ANKH: variants seen among roughly 807,000 people sequenced by gnomAD.
ANKH encodes the protein mineralization regulator ANKH.
ANKH carries 15 observed loss-of-function variants against 49.0 expected under a neutral mutation model. That is an observed-to-expected ratio of 0.31 (90% CI 0.20 to 0.47). ANKH has a LOEUF of 0.47. Among genes scored for constraint, ANKH ranks in the 20% least tolerant of loss-of-function variants. The pLI is 1.00. For synonymous variants in ANKH, 273 were observed against 260.0 expected, an observed-to-expected ratio of 1.05 and a Z score of -0.48; for missense variants, 429 against 652.0, an observed-to-expected ratio of 0.66 and a Z score of 3.72.
rs995305037 is a variant in ANKH, at chr5:14,824,847, G to A, written c.96+46505C>T. On this transcript the variant is annotated intron_variant, in intron 1 of 11. Transcript: ENST00000284268. ...ACAGCTCTGGTTACACGCCCCAAAA[G>A]GTGAGCAATATCACTTTCTCAACTC... Among the ~76,000 whole-genome samples the A allele has an allele frequency of 7.9e-5, 12 of 152,150 alleles. No individual in the cohort carries two copies. The South Asian group carries it at 8.3e-4, about 11-fold the overall frequency.
chr5:14,831,600 A>AG (rs1224788291), intron 1 of ANKH, among the ~76,000 whole-genome samples: 4 of 152,114 alleles, frequency 2.6e-5, no homozygotes, highest in African/African-American at 9.7e-5. Context: ...CAAATGCTCA[A>AG]GGGGGGCCCT....
chr5:14,741,976 C>T lies in ANKH; in HGVS notation c.916-54G>A. Reference sequence around the variant, plus strand: ...GGGCCCGGCTTATCCTTGGCTGAACCCACCGGGGGATCTTGAAGAGCATCT... The same window carrying T: ...GGGCCCGGCTTATCCTTGGCTGAACTCACCGGGGGATCTTGAAGAGCATCT... On this transcript the variant is annotated intron_variant, in intron 7 of 11. Transcript: ENST00000284268. The T allele has an allele frequency of 2.2e-6, 3 of 1,349,200 alleles. No individual in the cohort carries two copies. The South Asian group carries it at 3.5e-5, about 16-fold the overall frequency. The allele number at this position is 1,349,200 out of a possible 1,614,324, so 83.6% of individuals were successfully genotyped here.
At chr5:14,839,131 A>C (rs1741745183) in intron 1 of ANKH, among the ~76,000 whole-genome samples, 1 of 152,076 alleles carries the variant, frequency 6.6e-6, no homozygotes, top group African/African-American at 2.4e-5. Context: ...GAGAGTCTTC[A>C]AAGTAAAACA....
At chr5:14,861,777 C>T (rs1190733964) in intron 1 of ANKH, among the ~76,000 whole-genome samples, 2 of 152,206 alleles carry the variant, frequency 1.3e-5, no homozygotes, top group Non-Finnish European at 2.9e-5. Flanking sequence ...TAAACCAAAA[C>T]ATCCTCCCCC....
intron 1 of ANKH, among the ~76,000 whole-genome samples, chr5:14,806,779 CTGGGAAAGACACAA>C (rs1461629447): frequency 6.6e-6 from 1 of 152,154 alleles, no homozygotes; most frequent in East Asian, 1.9e-4. Context: ...AAGGAGATGG[CTGGGAAAGACACAA>C]TGAATCTCTG....
At chr5:14,797,549 A>C in intron 1 of ANKH, 1 of 1,611,044 alleles carries the variant, frequency 6.2e-7, no homozygotes, top group Non-Finnish European at 8.5e-7. Flanking sequence ...TGAACTCACT[A>C]TAAGGACTGA....
At chr5:14,862,892 C>T (rs1323024101) in intron 1 of ANKH, among the ~76,000 whole-genome samples, 2 of 152,100 alleles carry the variant, frequency 1.3e-5, no homozygotes, top group East Asian at 1.9e-4. Flanking sequence ...AGCAGGAAAA[C>T]GAGTGTCATG....
intron 4 of ANKH, among the ~76,000 whole-genome samples, chr5:14,755,172 G>A (rs1242221012): frequency 6.6e-6 from 1 of 151,892 alleles, no homozygotes; most frequent in East Asian, 1.9e-4. Flanking sequence ...TAGGAACTTA[G>A]TCTAATTTAT....
At chr5:14,719,519 G>C (rs1340709873) in intron 8 of ANKH, among the ~76,000 whole-genome samples, 2 of 152,218 alleles carry the variant, frequency 1.3e-5, no homozygotes, top group African/African-American at 2.4e-5. Flanking sequence ...GGCTCCGAGA[G>C]ATGCTAACTA....
In ANKH at chr5:14,769,138, G is replaced by C; in HGVS notation, c.150C>G (p.Ala50=). The change falls in exon 2 of 12, where the codon GCC becomes GCG. Residue 50 remains alanine (A), a synonymous_variant. Coordinates refer to ENST00000284268, the MANE Select transcript of ANKH (RefSeq NM_054027.6). ...AVKEDAVEML[A]SYGLAYSLMK... is the part of the protein sequence containing the mutation. Reference sequence around the variant, plus strand: ...TGAGGGAGTACGCCAGCCCGTAGCTGGCCAGCATCTCGACTGCATCCTCCT... The same window carrying C: ...TGAGGGAGTACGCCAGCCCGTAGCTCGCCAGCATCTCGACTGCATCCTCCT... 1 of 1,614,158 alleles carries C rather than the reference G, an allele frequency of 6.2e-7. No individual in the cohort carries two copies. Among genetic ancestry groups the C allele is most frequent in the African/African-American group, 1.3e-5 (1 of 75,030 alleles).
intron 1 of ANKH, among the ~76,000 whole-genome samples, chr5:14,796,215 T>C (rs1740370095): frequency 6.6e-6 from 1 of 151,744 alleles, no homozygotes; most frequent in Non-Finnish European, 1.5e-5. Flanking sequence ...TTTAAGCACT[T>C]ACACAGTTAG....
chr5:14,806,877 A>G (rs895433040), intron 1 of ANKH, among the ~76,000 whole-genome samples: 2 of 152,254 alleles, frequency 1.3e-5, no homozygotes, highest in Non-Finnish European at 2.9e-5. Context: ...TGCTTCAGAA[A>G]GCCCACTTCA....
At chr5:14,735,484 C>G (rs1339885024) in intron 8 of ANKH, among the ~76,000 whole-genome samples, 5 of 152,194 alleles carry the variant, frequency 3.3e-5, no homozygotes, top group Admixed American at 6.5e-5. Flanking sequence ...TCCTTCCTTT[C>G]AGAAATCATA....
At chr5:14,809,915 G>C (rs373132859) in intron 1 of ANKH, among the ~76,000 whole-genome samples, 1 of 151,992 alleles carries the variant, frequency 6.6e-6, no homozygotes, top group South Asian at 2.1e-4. Context: ...CTGAAACCCA[G>C]ATTTTGCTCA....
intron 8 of ANKH, among the ~76,000 whole-genome samples, chr5:14,726,992 G>A (rs1737843134): frequency 6.6e-6 from 1 of 152,218 alleles, no homozygotes; most frequent in South Asian, 2.1e-4. Context: ...TGCTCAGTGG[G>A]AGAAAGTAGG....
intron 8 of ANKH, among the ~76,000 whole-genome samples, chr5:14,732,972 C>A (rs1230358150): frequency 1.3e-5 from 2 of 152,172 alleles, no homozygotes; most frequent in African/African-American, 4.8e-5. Flanking sequence ...CAGACAGCCC[C>A]CCCAGCTGAA....
At chr5:14,793,057 T>TATATATATA (rs1451315549) in intron 1 of ANKH, among the ~76,000 whole-genome samples, 4 of 54,676 alleles carry the variant, frequency 7.3e-5, no homozygotes, top group South Asian at 6.2e-4. Flanking sequence ...TAAATATATA[T>TATATATATA]AAAATATATA....
At chr5:14,809,776 A>G (rs1458229856) in intron 1 of ANKH, among the ~76,000 whole-genome samples, 2 of 152,046 alleles carry the variant, frequency 1.3e-5, no homozygotes, top group Non-Finnish European at 2.9e-5. Context: ...GAAGCCTCCA[A>G]AGAAAACTCT....
intron 1 of ANKH, among the ~76,000 whole-genome samples, chr5:14,852,934 G>A (rs189841090): frequency 6.6e-6 from 1 of 152,020 alleles, no homozygotes; most frequent in East Asian, 1.9e-4. Context: ...CACCCAAGCA[G>A]ATCTGTTTCA....
Sources: allele counts gnomAD v4.1 joint callset (sites outside exome capture counted in the v4.1 genomes callset), GRCh38; gene constraint gnomAD v4.1.1; transcripts MANE v1.5; gene names NCBI Gene and HGNC (gene_info 2026-07-23, HGNC 2026-07-21).